Variants in SCEL observed in about 807,000 individuals in gnomAD.
SCEL encodes the protein sciellin.
SCEL carries 113 observed loss-of-function variants against 117.6 expected under a neutral mutation model. That is an observed-to-expected ratio of 0.96 (90% CI 0.83 to 1.12). The LOEUF (loss-of-function observed/expected upper bound fraction) is 1.12. Among genes scored for constraint, SCEL ranks in the 50% most tolerant of loss-of-function variants. The probability of loss-of-function intolerance (pLI) is 0.00; values close to 1 mark genes in which losing one functional copy is unlikely to be tolerated. For missense variants in SCEL, 785 were observed against 810.8 expected, an observed-to-expected ratio of 0.97 and a Z score of 0.39; for synonymous variants, 270 against 256.2, an observed-to-expected ratio of 1.05 and a Z score of -0.51.
intron 1 of SCEL, among the ~76,000 whole-genome samples, chr13:77,550,390 A>ATATATATATATATATATATAT (rs2084243601): frequency 2.2e-3 from 2 of 914 alleles, no homozygotes; most frequent in African/African-American, 3.8e-3. Flanking sequence ...TGTCTAAAAT[A>ATATATATATATATATATATAT]TATATATATA....
chr13:77,550,539 C>A (rs953790252), intron 1 of SCEL, among the ~76,000 whole-genome samples: 5 of 151,978 alleles, frequency 3.3e-5, no homozygotes. Flanking sequence ...CTCCCCTTAA[C>A]CCCTGGAAAA....
At chr13:77,611,218 C>T (rs998218204) in intron 22 of SCEL, among the ~76,000 whole-genome samples, 1 of 152,122 alleles carries the variant, frequency 6.6e-6, no homozygotes, top group Non-Finnish European at 1.5e-5. Flanking sequence ...GTGAAAGCAG[C>T]CATAAGTACC....
intron 28 of SCEL, among the ~76,000 whole-genome samples, chr13:77,629,785 G>C (rs906338691): frequency 6.6e-6 from 1 of 152,198 alleles, no homozygotes; most frequent in Non-Finnish European, 1.5e-5. Context: ...GAGCCATGTA[G>C]AAATATGATT....
chr13:77,576,716 A>T (rs1215170765), intron 9 of SCEL, among the ~76,000 whole-genome samples: 1 of 152,146 alleles, frequency 6.6e-6, no homozygotes, highest in Non-Finnish European at 1.5e-5. Flanking sequence ...GACTCTCTAA[A>T]TTACTTTGGG....
chr13:77,612,795 A>C, intron 22 of SCEL, 96 bp from the exon 23 acceptor site: 1 of 659,468 alleles, frequency 1.5e-6, no homozygotes, highest in Non-Finnish European at 2.5e-6. Context: ...ATGAAGTTTT[A>C]AATTAGCAGG....
intron 27 of SCEL, among the ~76,000 whole-genome samples, chr13:77,627,146 G>A (rs1042869186): frequency 6.6e-6 from 1 of 152,084 alleles, no homozygotes; most frequent in Non-Finnish European, 1.5e-5. Context: ...GATCCCCAAA[G>A]CCTAAATAAG....
chr13:77,567,599 C>T (rs979572998), intron 5 of SCEL, 81 bp from the exon 6 acceptor site: 2 of 929,220 alleles, frequency 2.2e-6, no homozygotes, highest in Non-Finnish European at 3.4e-6. Context: ...TGTTGTTAAG[C>T]TATTCTAGCA....
At chr13:77,557,098 G>A (rs2084703097) in intron 3 of SCEL, among the ~76,000 whole-genome samples, 1 of 152,168 alleles carries the variant, frequency 6.6e-6, no homozygotes, top group Non-Finnish European at 1.5e-5. Flanking sequence ...AACAAAAAGA[G>A]TGTAATTCCA....
At position 77,608,037 on chromosome 13, in the gene SCEL, T is replaced by C; in HGVS notation, c.1158-19T>C. The C allele has an allele frequency of 6.3e-7, 1 of 1,596,406 alleles. No individual in the cohort carries two copies. Among genetic ancestry groups the C allele is most frequent in the South Asian group, 1.1e-5 (1 of 88,460 alleles). On this transcript the variant is annotated intron_variant, in intron 19 of 32. Coordinates refer to ENST00000349847, the MANE Select transcript of SCEL (RefSeq NM_144777.3). ...TGTTACGTGTTGTCAATCTTAACCA[T>C]TTCTTCAATGTTTTAAAGGGGCCAG... is the stretch of plus-strand genomic sequence containing the variant.
At chr13:77,601,225 C>T (rs991139425) in intron 15 of SCEL, among the ~76,000 whole-genome samples, 5 of 149,826 alleles carry the variant, frequency 3.3e-5, no homozygotes, top group African/African-American at 1.2e-4. Context: ...GACAAAAGGA[C>T]AAGTAGGATG....
At chr13:77,609,380 C>A (rs2088471694) in intron 21 of SCEL, among the ~76,000 whole-genome samples, 1 of 152,096 alleles carries the variant, frequency 6.6e-6, no homozygotes, top group African/African-American at 2.4e-5. Context: ...TATTATTTTT[C>A]TTAAGCAGAA....
chr13:77,537,921 A>G (rs534479013), intron 1 of SCEL, among the ~76,000 whole-genome samples: 15 of 152,270 alleles, frequency 9.9e-5, no homozygotes, highest in Middle Eastern at 3.4e-3. Context: ...AGGGGATAAA[A>G]TCTTTGGCCT....
At chr13:77,593,708 C>T in intron 12 of SCEL, 135 bp downstream of exon 12, 1 of 603,624 alleles carries the variant, frequency 1.7e-6, no homozygotes, top group Non-Finnish European at 2.9e-6. Context: ...AATAAGAAAG[C>T]ATCAGTTTCT....
intron 5 of SCEL, among the ~76,000 whole-genome samples, chr13:77,566,624 A>G (rs1329050346): frequency 6.6e-6 from 1 of 152,204 alleles, no homozygotes; most frequent in African/African-American, 2.4e-5. Flanking sequence ...CTTTTTAACA[A>G]ATCTGCTTCC....
chr13:77,575,147 A>G (rs2085865332), intron 9 of SCEL, among the ~76,000 whole-genome samples: 1 of 152,074 alleles, frequency 6.6e-6, no homozygotes, highest in South Asian at 2.1e-4. Context: ...TTCTTAATTT[A>G]TACACTATGG....
chr13:77,597,044 G>A (rs1442793374), intron 12 of SCEL: 6 of 152,310 alleles, frequency 3.9e-5, no homozygotes, highest in Admixed American at 3.9e-4. Context: ...ATGTTTTCTA[G>A]AAGCTACGTG....
intron 5 of SCEL, among the ~76,000 whole-genome samples, chr13:77,564,191 GTT>G (rs58228438): frequency 1.1e-3 from 141 of 129,084 alleles, no homozygotes; most frequent in Middle Eastern, 4.0e-3. Context: ...TTCAATATAG[GTT>G]TTTTTTTTTT....
intron 28 of SCEL, among the ~76,000 whole-genome samples, chr13:77,632,836 C>T (rs1375313175): frequency 3.3e-5 from 5 of 152,128 alleles, no homozygotes; most frequent in Admixed American, 2.6e-4. Context: ...GTTCTTCTGC[C>T]ATCTTCAAAA....
Position 77,618,030 on chromosome 13 carries a change from T to G in SCEL, c.1598T>G (p.Val533Gly), listed in dbSNP as rs753108226. Residue 533 changes from valine to glycine, a missense_variant, in exon 27 of 33, where the codon GTG becomes GGG. Physicochemically the swap from Val to Gly is moderately radical, Grantham distance 109. Coordinates refer to ENST00000349847, the MANE Select transcript of SCEL (RefSeq NM_144777.3). ...CAAGACTTGGACAATCTTATTAAAG[T>G]GAAACCTTCAGCTCTTAGAAACACT... Reference protein sequence around the residue: ...QSQDLDNLIKVKPSALRNTNR... With the variant: ...QSQDLDNLIKGKPSALRNTNR... 3.1e-6 allele frequency: 5 copies of G among 1,613,234 alleles called. No individual in the cohort carries two copies. The highest frequency in any genetic ancestry group is 4.2e-6 in the Non-Finnish European group (5 of 1,179,354).
Sources: allele counts gnomAD v4.1 joint callset (sites outside exome capture counted in the v4.1 genomes callset), GRCh38; gene constraint gnomAD v4.1.1; transcripts MANE v1.5; gene names NCBI Gene and HGNC (gene_info 2026-07-23, HGNC 2026-07-21).